PTPRD: variants seen among roughly 807,000 people sequenced by gnomAD.
PTPRD encodes protein tyrosine phosphatase receptor type D.
A neutral mutation model predicts 214.5 loss-of-function variants in PTPRD; 34 were observed. The ratio of observed to expected loss-of-function variants is 0.16; its 90% CI spans 0.12 to 0.21. The LOEUF (loss-of-function observed/expected upper bound fraction) is 0.21, where lower values mean the gene tolerates loss of function less well. Ranked by LOEUF, PTPRD falls within the 10% of genes least tolerant of loss-of-function variation. PTPRD has a pLI of 1.00. For missense variants in PTPRD, 2,545 were observed against 2,398.7 expected (o/e 1.06, Z -1.27); for synonymous variants, 1,128 against 845.7 (o/e 1.33, Z -5.79).
At chr9:9,341,739 C>A (rs2046881884) in intron 9 of PTPRD, among the ~76,000 whole-genome samples, 1 of 152,024 alleles carries the variant, frequency 6.6e-6, no homozygotes, top group African/African-American at 2.4e-5. Flanking sequence ...TTTGCATTTG[C>A]ATAAGGAAAA....
chr9:10,069,951 C>T (rs1427682229), intron 3 of PTPRD, among the ~76,000 whole-genome samples: 1 of 151,950 alleles, frequency 6.6e-6, no homozygotes, highest in Non-Finnish European at 1.5e-5. Flanking sequence ...CTCTAGGATA[C>T]TATTTCAAAA....
chr9:9,193,982 T>C (rs2131960482), intron 9 of PTPRD, among the ~76,000 whole-genome samples: 1 of 152,300 alleles, frequency 6.6e-6, no homozygotes, highest in South Asian at 2.1e-4. Flanking sequence ...AGACCTATTG[T>C]ACAGCTGTAC....
chr9:8,981,867 T>C (rs2099314413), intron 11 of PTPRD, among the ~76,000 whole-genome samples: 1 of 152,116 alleles, frequency 6.6e-6, no homozygotes, highest in Non-Finnish European at 1.5e-5. Context: ...AGAAATAGAA[T>C]GGCAAAATAA....
intron 11 of PTPRD, among the ~76,000 whole-genome samples, chr9:8,975,005 G>A (rs960574393): frequency 4.0e-5 from 6 of 150,008 alleles, no homozygotes; most frequent in Non-Finnish European, 8.8e-5. Flanking sequence ...GCTGAGGCAG[G>A]AGAATCACTT....
intron 7 of PTPRD, among the ~76,000 whole-genome samples, chr9:9,636,509 G>C (rs1168137358): frequency 6.6e-6 from 1 of 152,064 alleles, no homozygotes; most frequent in East Asian, 1.9e-4. Context: ...CATACACAGA[G>C]CCTCAACTTG....
chr9:9,253,796 C>G (rs1381756885), intron 9 of PTPRD, among the ~76,000 whole-genome samples: 2 of 152,112 alleles, frequency 1.3e-5, no homozygotes, highest in South Asian at 4.1e-4. Flanking sequence ...AACAAATTAT[C>G]ACAAACTTGG....
At chr9:9,368,627 C>A (rs1396112854) in intron 9 of PTPRD, among the ~76,000 whole-genome samples, 1 of 151,838 alleles carries the variant, frequency 6.6e-6, no homozygotes, top group African/African-American at 2.4e-5. Context: ...TTAGGGGGAA[C>A]TCTTGAAATC....
intron 7 of PTPRD, among the ~76,000 whole-genome samples, chr9:9,679,985 A>T (rs1027479412): frequency 6.6e-6 from 1 of 151,932 alleles, no homozygotes; most frequent in Non-Finnish European, 1.5e-5. Flanking sequence ...CTTGCTTTTG[A>T]ATATAATTTG....
intron 5 of PTPRD, among the ~76,000 whole-genome samples, chr9:9,898,802 T>A (rs932353986): frequency 7.2e-5 from 11 of 152,066 alleles, no homozygotes; most frequent in African/African-American, 2.7e-4. Flanking sequence ...TTTATTAGCA[T>A]CTCTTAGTGA....
chr9:10,025,646 A>G (rs554951603), intron 4 of PTPRD, among the ~76,000 whole-genome samples: 149 of 152,318 alleles, frequency 9.8e-4, no homozygotes, highest in African/African-American at 3.5e-3. Context: ...GAGAAATCTG[A>G]GAAACTTTTT....
intron 35 of PTPRD, among the ~76,000 whole-genome samples, chr9:8,425,448 C>G (rs1042887349): frequency 1.6e-4 from 17 of 108,966 alleles, no homozygotes; most frequent in African/African-American, 5.0e-4. Context: ...CAGCATGACC[C>G]TGAGCTGCAA....
At chr9:8,716,326 T>C (rs1278123349) in intron 12 of PTPRD, among the ~76,000 whole-genome samples, 1 of 152,242 alleles carries the variant, frequency 6.6e-6, no homozygotes, top group East Asian at 1.9e-4. Flanking sequence ...AGTATCTATG[T>C]AATTGTGGTT....
At position 8,507,426 on chromosome 9, in the gene PTPRD, G is replaced by T; in HGVS notation, c.1552C>A (p.Gln518Lys). 6.2e-7 allele frequency: 1 copy of T among 1,613,842 alleles called. No individual in the cohort carries two copies. Residue 518 changes from glutamine to lysine, a missense_variant, in exon 22 of 46, where the codon CAG becomes AAG. Physicochemically the swap from Gln to Lys is moderately conservative, Grantham distance 53. Coordinates refer to ENST00000381196, the MANE Select transcript of PTPRD (RefSeq NM_002839.4). Reference sequence around the variant, plus strand: ...GGTTCTGCTTTGAAGTTTAGTGGCTGCCCTGGTACTAAAAACAGGGAGGCA... The same window carrying T: ...GGTTCTGCTTTGAAGTTTAGTGGCTTCCCTGGTACTAAAAACAGGGAGGCA... ...QVITQTGVPGQPLNFKAEPES... is the reference protein window; with the variant it reads ...QVITQTGVPGKPLNFKAEPES...
intron 11 of PTPRD, among the ~76,000 whole-genome samples, chr9:8,780,525 T>C (rs988965484): frequency 2.0e-5 from 3 of 152,102 alleles, no homozygotes; most frequent in Non-Finnish European, 4.4e-5. Flanking sequence ...GAGAAGGAGG[T>C]ACCGGAGAAG....
intron 11 of PTPRD, among the ~76,000 whole-genome samples, chr9:8,754,944 A>G (rs976824869): frequency 3.9e-5 from 6 of 152,180 alleles, no homozygotes; most frequent in Non-Finnish European, 5.9e-5. Context: ...GTCACTGAAC[A>G]TATGAAAAAG....
intron 2 of PTPRD, among the ~76,000 whole-genome samples, chr9:10,529,557 G>A (rs564375295): frequency 7.5e-5 from 11 of 147,446 alleles, no homozygotes; most frequent in African/African-American, 2.3e-4. Context: ...CATCATACAC[G>A]GGGCCTGTTG....
chr9:10,142,974 A>T (rs1458284964), intron 3 of PTPRD, among the ~76,000 whole-genome samples: 2 of 152,030 alleles, frequency 1.3e-5, no homozygotes, highest in Non-Finnish European at 2.9e-5. Context: ...TGTCCTTTGT[A>T]GGGACATGGA....
chr9:9,087,527 G>A (rs1217382313), intron 10 of PTPRD, among the ~76,000 whole-genome samples: 2 of 151,990 alleles, frequency 1.3e-5, no homozygotes, highest in East Asian at 3.9e-4. Flanking sequence ...CTAAGAACCA[G>A]GATTGAAATA....
chr9:9,722,963 CA>C (rs1217624919), intron 7 of PTPRD, among the ~76,000 whole-genome samples: 7 of 152,050 alleles, frequency 4.6e-5, no homozygotes, highest in African/African-American at 1.7e-4. Context: ...TATGATTTCA[CA>C]ACACTTTCTC....
Sources: gnomAD v4.1 joint callset for allele counts (sites outside exome capture counted in the v4.1 genomes callset) on GRCh38, gnomAD v4.1.1 for gene constraint, MANE v1.5 for transcripts, NCBI Gene and HGNC (gene_info 2026-07-23, HGNC 2026-07-21) for gene names.